The following TMEM233 variants were observed in gnomAD, a reference collection of about 807,000 sequenced individuals.
TMEM233 encodes dispanin subfamily B member 2.
In TMEM233, 6 loss-of-function variants were observed where a neutral mutation model predicts 11.2. The ratio of observed to expected loss-of-function variants is 0.54; its 90% CI spans 0.29 to 1.06. The LOEUF (loss-of-function observed/expected upper bound fraction) is 1.06, where lower values mean the gene tolerates loss of function less well. TMEM233 is among the 50% of genes least tolerant of loss of function. The pLI is 0.08. For missense variants in TMEM233, 127 were observed against 144.7 expected, an observed-to-expected ratio of 0.88 and a Z score of 0.63; for synonymous variants, 59 against 55.8, an observed-to-expected ratio of 1.06 and a Z score of -0.26.
At chr12:119,623,105 G>A (rs904468956) in intron 1 of TMEM233, among the ~76,000 whole-genome samples, 1 of 152,170 alleles carries the variant, frequency 6.6e-6, no homozygotes, top group East Asian at 1.9e-4. Flanking sequence ...CATTTCACCT[G>A]TGCTCATGGG....
intron 1 of TMEM233, among the ~76,000 whole-genome samples, chr12:119,616,865 T>C (rs953926121): frequency 1.3e-5 from 2 of 152,208 alleles, no homozygotes. Flanking sequence ...TCAGCACTCA[T>C]TCTTTTCTCT....
chr12:119,635,951 C>T (rs1361448019), intron 2 of TMEM233, among the ~76,000 whole-genome samples: 1 of 152,138 alleles, frequency 6.6e-6, no homozygotes, highest in African/African-American at 2.4e-5. Flanking sequence ...CAGGTCCCAC[C>T]ACACATTCAG....
chr12:119,653,641 C>A, the TMEM233 span, among the ~76,000 whole-genome samples: 80 of 151,548 alleles, frequency 5.3e-4, no homozygotes, highest in African/African-American at 1.7e-3. Flanking sequence ...TTTTTAAAAA[C>A]CCCTGAAAAT....
the TMEM233 span, among the ~76,000 whole-genome samples, chr12:119,651,220 A>AAT: frequency 6.6e-6 from 1 of 152,246 alleles, no homozygotes; most frequent in Non-Finnish European, 1.5e-5. Context: ...TCACAAATTT[A>AAT]ATAGGCTATG....
Position 119,629,864 on chromosome 12 carries a change from C to A in TMEM233, c.315C>A (p.Phe105Leu), listed in dbSNP as rs748460598. Reference sequence around the variant, plus strand: ...TCGGCATTTCTTGTGCAGTTCACTTCACAAGGAAGTAAGTAGGCTTTTTGA... The same window carrying A: ...TCGGCATTTCTTGTGCAGTTCACTTAACAAGGAAGTAAGTAGGCTTTTTGA... ...LIIGISCAVH[F>L]TRNA Residue 105 changes from phenylalanine (F) to leucine (L), a missense_variant, in exon 2 of 3, where the codon TTC becomes TTA. By Grantham distance (22) the Phe-to-Leu change is conservative. Transcript: ENST00000426426. The A allele has an allele frequency of 3.2e-6, 5 of 1,550,166 alleles. No homozygotes were observed.
Position 119,641,035 on chromosome 12 carries a change from A to C in TMEM233, c.*330A>C, listed in dbSNP as rs1955075882. ...GTCCTCCAGAGGCGAGCCTCAGGAA[A>C]TCACATAACTTTTCACTGAGGGGAT... On this transcript the variant is annotated 3_prime_UTR_variant, in exon 3 of 3. Transcript: ENST00000426426. 1 of 297,286 alleles carries C rather than the reference A, an allele frequency of 3.4e-6. No homozygotes were observed. The highest frequency in any genetic ancestry group is 5.9e-5 in the East Asian group (1 of 16,920). 18.4% of individuals were successfully genotyped at this position (297,286 alleles called of 1,614,324 possible). A position where few individuals can be genotyped will look rare whatever the true frequency, so the allele number is the denominator to read the frequency against.
chr12:119,611,635 T>C (rs1029223355), intron 1 of TMEM233, among the ~76,000 whole-genome samples: 17 of 152,186 alleles, frequency 1.1e-4, no homozygotes, highest in African/African-American at 4.1e-4. Flanking sequence ...TTCTGGCCCT[T>C]GCTTCTTTCA....
At chr12:119,619,643 GA>G (rs200868440) in intron 1 of TMEM233, among the ~76,000 whole-genome samples, 10,054 of 127,166 alleles carry the variant, frequency 0.079, 368 homozygotes, top group African/African-American at 0.12. Context: ...CCTGTCTCAA[GA>G]AAAAAAAAAA....
intron 2 of TMEM233, among the ~76,000 whole-genome samples, chr12:119,631,868 G>T (rs561950424): frequency 3.3e-5 from 5 of 152,308 alleles, no homozygotes; most frequent in Non-Finnish European, 7.4e-5. Context: ...AGAATGTGTA[G>T]GTTGGTGTCT....
the TMEM233 span, among the ~76,000 whole-genome samples, chr12:119,648,087 G>C: frequency 6.6e-6 from 1 of 151,934 alleles, no homozygotes; most frequent in African/African-American, 2.4e-5. Context: ...CACATAGCTG[G>C]TCCTTTCTTC....
At chr12:119,631,613 A>G (rs1324426555) in intron 2 of TMEM233, 1 of 985,440 alleles carries the variant, frequency 1.0e-6, no homozygotes, top group Non-Finnish European at 1.2e-6. Context: ...GAACCTGACT[A>G]TATTCTTAAG....
At chr12:119,606,571 G>C (rs1234177397) in intron 1 of TMEM233, among the ~76,000 whole-genome samples, 1 of 152,140 alleles carries the variant, frequency 6.6e-6, no homozygotes, top group African/African-American at 2.4e-5. Flanking sequence ...GAACTCAACA[G>C]ATCAGAATAT....
intron 1 of TMEM233, among the ~76,000 whole-genome samples, chr12:119,629,115 G>A (rs576727501): frequency 1.2e-4 from 19 of 152,142 alleles, no homozygotes; most frequent in Middle Eastern, 3.4e-3. Context: ...CTGGTATGCC[G>A]AACAAGACAG....
At chr12:119,645,320 C>CAAAAAAAAAAA (rs3078450), downstream of TMEM233, among the ~76,000 whole-genome samples, 436 of 74,562 alleles carry the variant, frequency 5.8e-3, 14 homozygotes, top group Middle Eastern at 0.012. Context: ...CACCAATTAC[C>CAAAAAAAAAAA]AAAAAAAAAA....
At chr12:119,644,478 CTTTT>C (rs58075242), downstream of TMEM233, among the ~76,000 whole-genome samples, 2,114 of 126,968 alleles carry the variant, frequency 0.017, 47 homozygotes, top group African/African-American at 0.056. Context: ...TTTTTCTTTT[CTTTT>C]TTTTTTTTTT....
At chr12:119,651,330 T>G in the TMEM233 span, among the ~76,000 whole-genome samples, 5 of 152,214 alleles carry the variant, frequency 3.3e-5, no homozygotes, top group African/African-American at 1.2e-4. Flanking sequence ...GGCTACAAAC[T>G]TCCTCATCAA....
At position 119,642,691 on chromosome 12, in the gene TMEM233, G is replaced by A. The variant is rs988488195; in HGVS notation, c.*1986G>A. 11 of 152,148 alleles carry A rather than the reference G, an allele frequency of 7.2e-5. No homozygotes were observed. The highest frequency in any genetic ancestry group is 5.2e-4 in the Admixed American group (8 of 15,288). The allele number at this position is 152,148 out of a possible 1,614,324, so 9.4% of individuals were successfully genotyped here. A position where few individuals can be genotyped will look rare whatever the true frequency, so the allele number is the denominator to read the frequency against. On this transcript the variant is annotated 3_prime_UTR_variant, in exon 3 of 3. Coordinates refer to ENST00000426426, the MANE Select transcript of TMEM233 (RefSeq NM_001136534.3). ...GCCTGCCTACTTACCTCACAGTGCT[G>A]TTATGAGAATTAATTGTTGTAATAG...
intron 1 of TMEM233, among the ~76,000 whole-genome samples, chr12:119,611,996 T>G (rs1308809978): frequency 6.6e-6 from 1 of 151,306 alleles, no homozygotes; most frequent in Non-Finnish European, 1.5e-5. Flanking sequence ...GCATAGATAT[T>G]CTTTTTTTTT....
chr12:119,624,233 A>C (rs1432557135), intron 1 of TMEM233, among the ~76,000 whole-genome samples: 1 of 151,808 alleles, frequency 6.6e-6, no homozygotes, highest in African/African-American at 2.4e-5. Flanking sequence ...GGTGGTATGC[A>C]CCTGTAGTCC....
Sources: allele counts gnomAD v4.1 joint callset (sites outside exome capture counted in the v4.1 genomes callset), GRCh38; gene constraint gnomAD v4.1.1; transcripts MANE v1.5; gene names NCBI Gene and HGNC (gene_info 2026-07-23, HGNC 2026-07-21).